The following NRXN3 variants were observed in gnomAD, a reference collection of about 807,000 sequenced individuals.
The protein encoded by NRXN3 is neurexin 3.
NRXN3 carries 32 observed loss-of-function variants against 137.6 expected under a neutral mutation model. The observed-to-expected ratio is 0.23, with a 90% CI of 0.18 to 0.31. NRXN3 has a LOEUF of 0.31. NRXN3 is among the 10% of genes least tolerant of loss of function. NRXN3 has a pLI of 1.00. For missense variants in NRXN3, 1,574 were observed against 2,062.5 expected (o/e 0.76, Z 4.59); for synonymous variants, 798 against 784.5 (o/e 1.02, Z -0.29).
At chr14:78,495,213 A>AT (rs1220722088) in intron 4 of NRXN3, among the ~76,000 whole-genome samples, 3 of 147,752 alleles carry the variant, frequency 2.0e-5, no homozygotes, top group Non-Finnish European at 4.4e-5. Flanking sequence ...TTTTCTTGCC[A>AT]TTTTTCATTC....
chr14:79,300,275 G>A (rs1348809704), intron 15 of NRXN3, among the ~76,000 whole-genome samples: 1 of 152,042 alleles, frequency 6.6e-6, no homozygotes, highest in East Asian at 1.9e-4. Flanking sequence ...TCTACCAGAC[G>A]CTGGGGAAAT....
chr14:78,271,525 T>C, intron 2 of NRXN3, among the ~76,000 whole-genome samples: 1 of 151,634 alleles, frequency 6.6e-6, no homozygotes, highest in East Asian at 1.9e-4. Flanking sequence ...TCTGATTATA[T>C]CTGTAACAAC....
intron 16 of NRXN3, among the ~76,000 whole-genome samples, chr14:79,599,492 TAAAACAAAAC>T (rs142723904): frequency 6.6e-6 from 1 of 152,152 alleles, no homozygotes; most frequent in African/African-American, 2.4e-5. Flanking sequence ...CACCCCAACC[TAAAACAAAAC>T]AAAACAAAAC....
intron 20 of NRXN3, among the ~76,000 whole-genome samples, chr14:79,821,317 A>G (rs1319097658): frequency 6.6e-6 from 1 of 152,150 alleles, no homozygotes; most frequent in Non-Finnish European, 1.5e-5. Flanking sequence ...AAAGCAAGGG[A>G]AAACACTCTG....
intron 4 of NRXN3, among the ~76,000 whole-genome samples, chr14:78,386,934 C>T (rs1444401544): frequency 1.3e-5 from 2 of 152,026 alleles, no homozygotes; most frequent in Admixed American, 6.6e-5. Flanking sequence ...CATGCACCAC[C>T]ATGCATGGCT....
intron 4 of NRXN3, among the ~76,000 whole-genome samples, chr14:78,569,560 C>T (rs1487216165): frequency 5.3e-5 from 8 of 151,466 alleles, no homozygotes; most frequent in East Asian, 2.0e-4. Context: ...CCACCGCGTC[C>T]GGCCGCCTTT....
intron 17 of NRXN3, among the ~76,000 whole-genome samples, chr14:79,682,636 A>G (rs1434835516): frequency 2.0e-5 from 3 of 152,164 alleles, no homozygotes; most frequent in African/African-American, 7.2e-5. Flanking sequence ...ATACTCTCTG[A>G]TGCTTGCTTG....
chr14:79,237,926 C>A (rs1417479777), intron 15 of NRXN3, among the ~76,000 whole-genome samples: 1 of 152,036 alleles, frequency 6.6e-6, no homozygotes, highest in African/African-American at 2.4e-5. Flanking sequence ...ACTGTGATGA[C>A]TAAATGTGAA....
intron 8 of NRXN3, among the ~76,000 whole-genome samples, chr14:78,717,361 T>G (rs998185563): frequency 2.6e-5 from 4 of 152,302 alleles, no homozygotes; most frequent in African/African-American, 7.2e-5. Context: ...GAGGGACAAT[T>G]ATTCTTGGTG....
rs1567645300 is a variant in NRXN3, at chr14:78,456,859, C to CTTTCTTTTTCTCTT, written c.757+159000_757+159001insTTCTTTTTCTCTTT. 2.3e-3 allele frequency among the ~76,000 whole-genome samples: 186 copies of CTTTCTTTTTCTCTT among 81,216 alleles called. 1 individual carries two copies. The highest frequency in any genetic ancestry group is 0.02 in the East Asian group (52 of 2,586). 53.3% of individuals were successfully genotyped at this position (81,216 alleles called of 152,430 possible). A position where few individuals can be genotyped will look rare whatever the true frequency, so the allele number is the denominator to read the frequency against. On this transcript the variant is annotated intron_variant, in intron 4 of 20. Coordinates refer to ENST00000335750, the MANE Select transcript of NRXN3 (RefSeq NM_001330195.2). ...TTTCTTTCTTTCTTTCTTTCTTTTTCTCTTTCTTTCTTTCTTTCTTTCCTT... is the reference window on the plus strand; with the variant it reads ...TTTCTTTCTTTCTTTCTTTCTTTTTCTTTCTTTTTCTCTTTCTTTCTTTCTTTCTTTCTTTCCTT...
chr14:79,737,777 C>T (rs1322433641), intron 19 of NRXN3, among the ~76,000 whole-genome samples: 1 of 151,550 alleles, frequency 6.6e-6, no homozygotes, highest in South Asian at 2.1e-4. Flanking sequence ...ATGCTGGTCT[C>T]AAACTCCTGA....
At chr14:79,006,892 A>T (rs910542102) in intron 15 of NRXN3, among the ~76,000 whole-genome samples, 4 of 152,128 alleles carry the variant, frequency 2.6e-5, no homozygotes, top group African/African-American at 9.7e-5. Context: ...ACTGTGCCCC[A>T]TCTCCAGACT....
chr14:78,367,075 GCTCT>G (rs750565711), intron 4 of NRXN3, among the ~76,000 whole-genome samples: 1 of 152,134 alleles, frequency 6.6e-6, no homozygotes, highest in Non-Finnish European at 1.5e-5. Context: ...CATTCCTGAT[GCTCT>G]CTGATTATAC....
chr14:78,671,108 TAGTG>T (rs1372420688), intron 6 of NRXN3, among the ~76,000 whole-genome samples: 1 of 152,082 alleles, frequency 6.6e-6, no homozygotes, highest in Non-Finnish European at 1.5e-5. Context: ...AAGGGAAAAT[TAGTG>T]AGGTAGGAGA....
At chr14:79,067,223 CAT>C (rs1568173428) in intron 15 of NRXN3, among the ~76,000 whole-genome samples, 1 of 152,074 alleles carries the variant, frequency 6.6e-6, no homozygotes, top group East Asian at 1.9e-4. Flanking sequence ...TTGAGATAAT[CAT>C]GTGATTTTTG....
chr14:79,026,739 T>C (rs1232575607), intron 15 of NRXN3, among the ~76,000 whole-genome samples: 1 of 151,936 alleles, frequency 6.6e-6, no homozygotes, highest in African/African-American at 2.4e-5. Flanking sequence ...CTCAGGTGTT[T>C]AATGAGGATC....
At chr14:79,045,294 C>A (rs2152548878) in intron 15 of NRXN3, among the ~76,000 whole-genome samples, 1 of 152,262 alleles carries the variant, frequency 6.6e-6, no homozygotes, top group South Asian at 2.1e-4. Context: ...TCACTCTGCC[C>A]TTCTGCTCCA....
intron 19 of NRXN3, among the ~76,000 whole-genome samples, chr14:79,771,431 T>C (rs957539643): frequency 6.6e-6 from 1 of 152,070 alleles, no homozygotes; most frequent in Non-Finnish European, 1.5e-5. Flanking sequence ...TCCACCATGA[T>C]CAAGTGGGCT....
intron 1 of NRXN3, among the ~76,000 whole-genome samples, chr14:78,191,810 T>G (rs2060761375): frequency 6.6e-6 from 1 of 152,154 alleles, no homozygotes; most frequent in African/African-American, 2.4e-5. Flanking sequence ...AGTACCACCA[T>G]GCCGATGGGT....
Sources: gnomAD v4.1 joint callset for allele counts (sites outside exome capture counted in the v4.1 genomes callset) on GRCh38, gnomAD v4.1.1 for gene constraint, MANE v1.5 for transcripts, NCBI Gene and HGNC (gene_info 2026-07-23, HGNC 2026-07-21) for gene names.